The following ERBB4 variants were observed in gnomAD, a reference collection of about 807,000 sequenced individuals.
The protein encoded by ERBB4 is receptor tyrosine-protein kinase erbB-4.
In ERBB4, 42 loss-of-function variants were observed where a neutral mutation model predicts 158.0. That is an observed-to-expected ratio of 0.27 (90% CI 0.21 to 0.34). The LOEUF (loss-of-function observed/expected upper bound fraction) is 0.34. Among genes scored for constraint, ERBB4 ranks in the 10% least tolerant of loss-of-function variants. The probability of loss-of-function intolerance (pLI) is 1.00; values close to 1 mark genes in which losing one functional copy is unlikely to be tolerated. For synonymous variants in ERBB4, 583 were observed against 558.7 expected (o/e 1.04, Z -0.61); for missense variants, 1,333 against 1,624.1 (o/e 0.82, Z 3.08).
At chr2:212,457,058 C>T (rs1051250831) in intron 1 of ERBB4, among the ~76,000 whole-genome samples, 1 of 151,768 alleles carries the variant, frequency 6.6e-6, no homozygotes, top group South Asian at 2.1e-4. Flanking sequence ...TTCATTATGC[C>T]AACTTGAAAT....
intron 1 of ERBB4, among the ~76,000 whole-genome samples, chr2:212,321,645 T>C (rs908098894): frequency 6.6e-6 from 1 of 150,584 alleles, no homozygotes; most frequent in East Asian, 2.0e-4. Flanking sequence ...ACTAGGATTG[T>C]ACCATTGCAC....
intron 1 of ERBB4, among the ~76,000 whole-genome samples, chr2:212,319,560 A>G (rs1248318760): frequency 6.6e-6 from 1 of 150,626 alleles, no homozygotes; most frequent in Non-Finnish European, 1.5e-5. Context: ...GATTGAATCT[A>G]GCTGTCACTT....
chr2:211,961,679 A>C lies in ERBB4; in HGVS notation c.235-14063T>G, dbSNP rs560693109. Among the ~76,000 whole-genome samples, 4 of 152,264 alleles carry C rather than the reference A, an allele frequency of 2.6e-5. No homozygotes were observed. The East Asian group carries it at 7.7e-4, about 29-fold the overall frequency. On this transcript the variant is annotated intron_variant, in intron 2 of 27. Transcript: ENST00000342788. ...AAAGAGACTGAATGTAAGTATTATA[A>C]AGTCTCTGGATCCAGCTGCCATTTG...
At chr2:212,084,600 A>T (rs1411208990) in intron 2 of ERBB4, among the ~76,000 whole-genome samples, 1 of 152,010 alleles carries the variant, frequency 6.6e-6, no homozygotes, top group Non-Finnish European at 1.5e-5. Flanking sequence ...AAGTTACAAG[A>T]TATTAGTGAA....
intron 1 of ERBB4, among the ~76,000 whole-genome samples, chr2:212,317,293 T>C (rs2087334576): frequency 6.6e-6 from 1 of 151,556 alleles, no homozygotes; most frequent in South Asian, 2.1e-4. Context: ...AAGAGCTTTG[T>C]GATAGTTTAA....
chr2:212,476,153 T>TCACACA lies in ERBB4; in HGVS notation c.82+62290_82+62295dup, dbSNP rs59580011. Reference sequence around the variant, plus strand: ...TACATACTCTCTCTCTCTCTCTCTGTCACACACACACACACACACACACAC... The same window carrying TCACACA: ...TACATACTCTCTCTCTCTCTCTCTGTCACACACACACACACACACACACACACACAC... On this transcript the variant is annotated intron_variant, in intron 1 of 27. Transcript: ENST00000342788. 3.6e-3 allele frequency among the ~76,000 whole-genome samples: 516 copies of TCACACA among 144,246 alleles called. 2 individuals are homozygous for TCACACA. The highest frequency in any genetic ancestry group is 0.014 in the Middle Eastern group (4 of 278). 94.6% of individuals were successfully genotyped at this position (144,246 alleles called of 152,430 possible). A position where few individuals can be genotyped will look rare whatever the true frequency, so the allele number is the denominator to read the frequency against.
At chr2:212,056,853 G>C (rs1295971427) in intron 2 of ERBB4, among the ~76,000 whole-genome samples, 1 of 152,158 alleles carries the variant, frequency 6.6e-6, no homozygotes, top group Non-Finnish European at 1.5e-5. Context: ...ATAAATGCTA[G>C]GAAGAAATGG....
intron 1 of ERBB4, among the ~76,000 whole-genome samples, chr2:212,394,272 A>C (rs1033316236): frequency 6.6e-6 from 1 of 152,140 alleles, no homozygotes; most frequent in African/African-American, 2.4e-5. Context: ...ATAATTTAAA[A>C]TAATAAAAGA....
chr2:212,099,708 A>T (rs1185558971), intron 2 of ERBB4, among the ~76,000 whole-genome samples: 1 of 150,110 alleles, frequency 6.7e-6, no homozygotes, highest in Non-Finnish European at 1.5e-5. Flanking sequence ...CCATTTCAGA[A>T]GTCAGCTCTA....
In ERBB4 at chr2:212,355,534, C is replaced by T. The variant is rs544145966; in HGVS notation, c.82+182915G>A. Among the ~76,000 whole-genome samples the T allele has an allele frequency of 3.9e-5, 6 of 152,074 alleles. No individual in the cohort carries two copies. In the South Asian group the frequency reaches 1.0e-3, roughly 26 times the overall value. ...AAATCCAGGGGAGATAAGAAATCAC[C>T]GTGCTAAAACTTTAAGGCATAGCAA... On this transcript the variant is annotated intron_variant, in intron 1 of 27. Coordinates refer to ENST00000342788, the MANE Select transcript of ERBB4 (RefSeq NM_005235.3).
chr2:211,836,952 T>C (rs1456069033), intron 3 of ERBB4, among the ~76,000 whole-genome samples: 1 of 152,006 alleles, frequency 6.6e-6, no homozygotes, highest in Admixed American at 6.6e-5. Flanking sequence ...GAAAAGTTTT[T>C]TAAAATATTG....
chr2:212,516,910 G>A (rs867703799), intron 1 of ERBB4, among the ~76,000 whole-genome samples: 29 of 152,096 alleles, frequency 1.9e-4, no homozygotes, highest in Admixed American at 8.5e-4. Flanking sequence ...TGTGTTGAAT[G>A]TCTATGCAGA....
At chr2:212,174,019 C>A (rs1280585298) in intron 1 of ERBB4, among the ~76,000 whole-genome samples, 1 of 152,032 alleles carries the variant, frequency 6.6e-6, no homozygotes, top group Non-Finnish European at 1.5e-5. Flanking sequence ...GCTACTGTTC[C>A]CATTAACTGT....
rs2125308580 is a variant in ERBB4 at position 211,383,696 on chromosome 2, A to G, written c.3846T>C (p.Pro1282=). 1.2e-6 allele frequency: 2 copies of G among 1,614,106 alleles called. No individual in the cohort carries two copies. Among genetic ancestry groups the G allele is most frequent in the Non-Finnish European group, 8.5e-7 (1 of 1,179,996 alleles). ...TCAGGGAGAACTCAGAGAGGTATTC[A>G]GGATTCTCTGCCACAATAGGCCGGA... ...GRIRPIVAEN[P]EYLSEFSLKP... Residue 1282 remains proline (P), a synonymous_variant, in exon 28 of 28, where the codon CCT becomes CCC. Transcript: ENST00000342788.
chr2:211,484,929 G>A (rs2065168040), intron 20 of ERBB4, among the ~76,000 whole-genome samples: 1 of 152,120 alleles, frequency 6.6e-6, no homozygotes, highest in Admixed American at 6.6e-5. Flanking sequence ...TCCAGCAGTG[G>A]CTACCATAAG....
intron 2 of ERBB4, among the ~76,000 whole-genome samples, chr2:212,043,122 T>C (rs1046259724): frequency 6.6e-6 from 1 of 152,156 alleles, no homozygotes; most frequent in Non-Finnish European, 1.5e-5. Flanking sequence ...CCTTTATGCT[T>C]TGAAAGCAAT....
intron 3 of ERBB4, among the ~76,000 whole-genome samples, chr2:211,938,151 A>C (rs1023191096): frequency 1.3e-5 from 2 of 152,118 alleles, no homozygotes; most frequent in African/African-American, 4.8e-5. Flanking sequence ...TTTTTACCAA[A>C]ATCAAACTTC....
intron 16 of ERBB4, among the ~76,000 whole-genome samples, chr2:211,634,259 T>C (rs1057514609): frequency 1.3e-5 from 2 of 152,238 alleles, no homozygotes; most frequent in African/African-American, 4.8e-5. Flanking sequence ...TTTGCTTTTT[T>C]TTCAATTAAG....
chr2:211,478,873 A>T (rs2065019502), intron 20 of ERBB4, among the ~76,000 whole-genome samples: 1 of 152,204 alleles, frequency 6.6e-6, no homozygotes, highest in Non-Finnish European at 1.5e-5. Context: ...AATGTGCATT[A>T]TCCCACAGCA....
Sources: allele counts gnomAD v4.1 joint callset (sites outside exome capture counted in the v4.1 genomes callset), GRCh38; gene constraint gnomAD v4.1.1; transcripts MANE v1.5; gene names NCBI Gene and HGNC (gene_info 2026-07-23, HGNC 2026-07-21).